Variants in BMPER observed in about 807,000 individuals in gnomAD.
BMPER encodes the protein BMP-binding endothelial regulator protein.
Under a neutral mutation model 87.3 loss-of-function variants are expected in BMPER, and 45 were observed. The observed-to-expected ratio is 0.52, with a 90% CI of 0.41 to 0.66. BMPER has a LOEUF of 0.66. Ranked by LOEUF, BMPER falls within the 30% of genes least tolerant of loss-of-function variation. The pLI is 0.00. For synonymous variants in BMPER, 326 were observed against 316.2 expected (o/e 1.03, Z -0.33); for missense variants, 784 against 867.5 (o/e 0.90, Z 1.21).
chr7:34,152,823 A>G (rs946570373), intron 14 of BMPER, among the ~76,000 whole-genome samples: 3 of 152,170 alleles, frequency 2.0e-5, no homozygotes, highest in African/African-American at 4.8e-5. Context: ...AGATTTTCCT[A>G]TAGGCTTACA....
rs375834718 is a variant in BMPER at position 33,983,223 on chromosome 7, A to G, written c.576+8439A>G. Among the ~76,000 whole-genome samples the G allele has an allele frequency of 6.6e-5, 10 of 152,058 alleles. No individual in the cohort carries two copies. In the East Asian group the frequency reaches 1.4e-3, roughly 21 times the overall value. Reference sequence around the variant, plus strand: ...TTTGCAGGACAAATCCTAAATTTTAACCCTCATGTATGTTTTTATTTTAAT... The same window carrying G: ...TTTGCAGGACAAATCCTAAATTTTAGCCCTCATGTATGTTTTTATTTTAAT... On this transcript the variant is annotated intron_variant, in intron 6 of 14. Transcript: ENST00000649409.
chr7:33,942,933 G>A (rs1784803503), intron 3 of BMPER, among the ~76,000 whole-genome samples: 1 of 152,200 alleles, frequency 6.6e-6, no homozygotes, highest in Non-Finnish European at 1.5e-5. Flanking sequence ...GATTGTGTAA[G>A]TAAATGGGAG....
Position 33,947,796 on chromosome 7 carries a change from G to C in BMPER, c.319+10408G>C, listed in dbSNP as rs1309648650. On this transcript the variant is annotated intron_variant, in intron 3 of 14. Coordinates refer to ENST00000649409, the MANE Select transcript of BMPER (RefSeq NM_001365308.1). ...ATAGGTTGCCTTTTGTATAGTATAA[G>C]GTTATGAATAAGGGACCTCTCCTCA... Among the ~76,000 whole-genome samples the C allele has an allele frequency of 2.0e-5, 3 of 151,966 alleles. No homozygotes were observed. In the East Asian group the frequency reaches 5.8e-4, roughly 29 times the overall value.
intron 1 of BMPER, among the ~76,000 whole-genome samples, 197 bp downstream of exon 1, chr7:33,905,943 T>C (rs1585621523): frequency 1.3e-5 from 2 of 152,228 alleles, no homozygotes; most frequent in Admixed American, 6.5e-5. Flanking sequence ...TGAGAGGCTG[T>C]TGCCTTCAAT....
intron 2 of BMPER, among the ~76,000 whole-genome samples, chr7:33,910,848 G>C (rs1406010214): frequency 6.6e-6 from 1 of 152,146 alleles, no homozygotes; most frequent in Admixed American, 6.5e-5. Context: ...TCTGTCTGGT[G>C]TCTTATCTCC....
intron 3 of BMPER, among the ~76,000 whole-genome samples, chr7:33,966,234 G>T (rs1428707173): frequency 6.6e-6 from 1 of 152,088 alleles, no homozygotes; most frequent in Non-Finnish European, 1.5e-5. Flanking sequence ...TCAATCTATG[G>T]CTTTGCACTT....
At position 33,937,341 on chromosome 7, in the gene BMPER, G is replaced by A; in HGVS notation, c.272G>A (p.Cys91Tyr). ...AAGTGCCCCGTGCTGTCCCGAGACT[G>A]TGCCCTGGCCATCAAGCAGAGGGGA... ...REKCPVLSRD[C>Y]ALAIKQRGAC... is the part of the protein sequence containing the mutation. Residue 91 changes from cysteine to tyrosine, a missense_variant, in exon 3 of 15, where the codon TGT (cysteine) becomes TAT (tyrosine). Coordinates refer to ENST00000649409, the MANE Select transcript of BMPER (RefSeq NM_001365308.1). 6.2e-7 allele frequency: 1 copy of A among 1,614,198 alleles called. No homozygotes were observed. The highest frequency in any genetic ancestry group is 8.5e-7 in the Non-Finnish European group (1 of 1,180,024).
intron 13 of BMPER, among the ~76,000 whole-genome samples, chr7:34,124,634 C>G (rs555918638): frequency 3.9e-5 from 6 of 151,998 alleles, no homozygotes; most frequent in Non-Finnish European, 8.8e-5. Context: ...CCTTTACTTT[C>G]TACAATCTAT....
intron 2 of BMPER, among the ~76,000 whole-genome samples, chr7:33,923,070 C>T (rs1185547359): frequency 6.6e-6 from 1 of 152,126 alleles, no homozygotes; most frequent in African/African-American, 2.4e-5. Context: ...TGGCCAGTGC[C>T]TGCCTGTATG....
chr7:34,132,689 T>A (rs1355117791), intron 13 of BMPER, among the ~76,000 whole-genome samples: 1 of 152,190 alleles, frequency 6.6e-6, no homozygotes, highest in Non-Finnish European at 1.5e-5. Context: ...TGGGGGCTTT[T>A]AAAATACATA....
At chr7:34,095,744 A>ATT (rs5883449) in intron 13 of BMPER, among the ~76,000 whole-genome samples, 12,218 of 151,836 alleles carry the variant, frequency 0.08, 666 homozygotes, top group South Asian at 0.15. Context: ...TCCAGGCATG[A>ATT]TTTTTTTTAG....
chr7:34,060,152 C>T (rs1788398639), intron 10 of BMPER, among the ~76,000 whole-genome samples: 2 of 152,136 alleles, frequency 1.3e-5, no homozygotes, highest in Non-Finnish European at 2.9e-5. Flanking sequence ...CACAGGTGCT[C>T]TGACTTTACA....
chr7:34,018,195 G>T (rs1213279400), intron 6 of BMPER, among the ~76,000 whole-genome samples: 1 of 151,858 alleles, frequency 6.6e-6, no homozygotes, highest in Non-Finnish European at 1.5e-5. Context: ...GGACATAATG[G>T]TTTGAAGGCT....
chr7:34,071,609 G>A (rs12672492), intron 11 of BMPER, among the ~76,000 whole-genome samples: 31,096 of 151,948 alleles, frequency 0.2, 3,213 homozygotes, highest in Middle Eastern at 0.25. Context: ...GTTTAAGTAG[G>A]GAAGAAGATG....
rs1241251519 is a variant in BMPER at position 33,966,522 on chromosome 7, G to A, written c.363G>A (p.Trp121Ter). The stretch of plus-strand genomic sequence containing the variant: ...ATACCTATAACAGCTCCTTCAAATG[G>A]CAGAGCCCGGCTGAGCCTTGTGTTC... The part of the protein sequence containing the change: ...EGNTYNSSFK[W>*]QSPAEPCVLR... Residue 121 changes from tryptophan (W) to a stop codon, truncating the protein, a stop_gained, in exon 4 of 15, where the codon TGG becomes TGA. Transcript: ENST00000649409. LOFTEE classifies it high-confidence loss of function. The A allele has an allele frequency of 1.9e-6, 3 of 1,613,720 alleles. No homozygotes were observed. The highest frequency in any genetic ancestry group is 1.7e-6 in the Non-Finnish European group (2 of 1,179,714).
intron 13 of BMPER, among the ~76,000 whole-genome samples, chr7:34,127,076 GA>G (rs1790422763): frequency 6.6e-6 from 1 of 152,166 alleles, no homozygotes; most frequent in African/African-American, 2.4e-5. Flanking sequence ...AAGACACTAT[GA>G]AAAATAAAAC....
rs142682720 is a variant in BMPER, at chr7:34,055,715, A to G, written c.927+412A>G. On this transcript the variant is annotated intron_variant, in intron 9 of 14. Coordinates refer to ENST00000649409, the MANE Select transcript of BMPER (RefSeq NM_001365308.1). ...TTCACAAAGCTACCTTTGCAAAGAA[A>G]AATTTTCTCATTTGGAAGATATTCA... Among the ~76,000 whole-genome samples the G allele has an allele frequency of 5.1e-4, 77 of 152,290 alleles. No individual in the cohort carries two copies. In the East Asian group the frequency reaches 0.015, roughly 29 times the overall value.
intron 6 of BMPER, among the ~76,000 whole-genome samples, chr7:34,008,068 T>C (rs1786783432): frequency 6.6e-6 from 1 of 152,060 alleles, no homozygotes; most frequent in African/African-American, 2.4e-5. Flanking sequence ...TAATATCTTT[T>C]TATGTACAGA....
chr7:33,905,319 G>A (rs1369564214), upstream of BMPER, among the ~76,000 whole-genome samples: 1 of 151,318 alleles, frequency 6.6e-6, no homozygotes, highest in Non-Finnish European at 1.5e-5. Flanking sequence ...CTCCGGCGCT[G>A]AGGGGCTGAC....
Sources: allele counts gnomAD v4.1 joint callset (sites outside exome capture counted in the v4.1 genomes callset), GRCh38; gene constraint gnomAD v4.1.1; transcripts MANE v1.5; gene names NCBI Gene and HGNC (gene_info 2026-07-23, HGNC 2026-07-21).